The following ATRNL1 variants were observed in gnomAD, a reference collection of about 807,000 sequenced individuals.
The protein encoded by ATRNL1 is attractin-like protein 1.
In ATRNL1, 95 loss-of-function variants were observed where a neutral mutation model predicts 182.7. That is an observed-to-expected ratio of 0.52 (90% CI 0.44 to 0.62). ATRNL1 has a LOEUF of 0.62. Among genes scored for constraint, ATRNL1 ranks in the 20% least tolerant of loss-of-function variants. The pLI, the probability that ATRNL1 is intolerant of heterozygous loss-of-function variation, is 0.00. For synonymous variants in ATRNL1, 576 were observed against 568.3 expected, an observed-to-expected ratio of 1.01 and a Z score of -0.19; for missense variants, 1,471 against 1,679.5, an observed-to-expected ratio of 0.88 and a Z score of 2.17.
At chr10:115,255,561 T>C (rs1851086570) in intron 10 of ATRNL1, among the ~76,000 whole-genome samples, 1 of 152,202 alleles carries the variant, frequency 6.6e-6, no homozygotes, top group Non-Finnish European at 1.5e-5. Context: ...GTTTTCTAAA[T>C]ATGCAATCAT....
chr10:115,616,013 C>T (rs1353642962), intron 26 of ATRNL1, among the ~76,000 whole-genome samples: 6 of 152,038 alleles, frequency 3.9e-5, no homozygotes, highest in African/African-American at 9.7e-5. Context: ...CAGAAGAAGA[C>T]AGGAAGTTGA....
intron 26 of ATRNL1, among the ~76,000 whole-genome samples, chr10:115,587,806 A>G (rs1422134199): frequency 6.6e-6 from 1 of 152,132 alleles, no homozygotes; most frequent in Non-Finnish European, 1.5e-5. Flanking sequence ...TTTTGACACT[A>G]AACTTTTAAA....
intron 24 of ATRNL1, among the ~76,000 whole-genome samples, chr10:115,512,923 C>T (rs12267100): frequency 0.015 from 2,278 of 152,062 alleles, 53 homozygotes; most frequent in African/African-American, 0.052. Flanking sequence ...TATTCCTTTT[C>T]CTAGAAACCA....
At chr10:115,893,765 G>A (rs782044794) in intron 28 of ATRNL1, among the ~76,000 whole-genome samples, 25 of 152,276 alleles carry the variant, frequency 1.6e-4, no homozygotes, top group Middle Eastern at 3.4e-3. Context: ...TGCCTGGCAT[G>A]AAACGCGACT....
chr10:115,440,698 G>A (rs900968319), intron 21 of ATRNL1, among the ~76,000 whole-genome samples: 1 of 151,592 alleles, frequency 6.6e-6, no homozygotes, highest in Non-Finnish European at 1.5e-5. Flanking sequence ...ATCTACTTGT[G>A]TAGCAAAATC....
At chr10:115,606,160 G>A (rs1856862071) in intron 26 of ATRNL1, among the ~76,000 whole-genome samples, 1 of 151,922 alleles carries the variant, frequency 6.6e-6, no homozygotes, top group African/African-American at 2.4e-5. Flanking sequence ...GTACACTGTT[G>A]TATATTTTGC....
intron 18 of ATRNL1, among the ~76,000 whole-genome samples, chr10:115,327,072 A>C (rs1465160710): frequency 6.6e-6 from 1 of 151,120 alleles, no homozygotes; most frequent in Admixed American, 6.6e-5. Flanking sequence ...ACAAAAGCCA[A>C]AATTGACAAA....
chr10:115,322,589 G>A (rs551049977), intron 18 of ATRNL1, among the ~76,000 whole-genome samples: 3 of 152,170 alleles, frequency 2.0e-5, no homozygotes, highest in African/African-American at 7.2e-5. Flanking sequence ...GTAATTACCA[G>A]TACTGTTTTT....
intron 9 of ATRNL1, among the ~76,000 whole-genome samples, chr10:115,228,698 A>G (rs1341660451): frequency 1.4e-4 from 22 of 152,044 alleles, no homozygotes; most frequent in African/African-American, 5.1e-4. Context: ...TGTAATTATC[A>G]ACTTTTTATT....
chr10:115,525,880 T>C (rs1338675332), intron 25 of ATRNL1, among the ~76,000 whole-genome samples: 1 of 152,188 alleles, frequency 6.6e-6, no homozygotes, highest in African/African-American at 2.4e-5. Context: ...CTGGTCATAC[T>C]TCCATGGCTC....
intron 26 of ATRNL1, among the ~76,000 whole-genome samples, chr10:115,713,709 T>TATCTATCTATCTATC (rs1565310925): frequency 2.0e-3 from 147 of 75,256 alleles, no homozygotes; most frequent in East Asian, 0.019. Context: ...ATCTATCATC[T>TATCTATCTATCTATC]ATCTATCTAT....
At chr10:115,839,688 CTA>C (rs1950759304) in intron 27 of ATRNL1, among the ~76,000 whole-genome samples, 1 of 152,162 alleles carries the variant, frequency 6.6e-6, no homozygotes, top group South Asian at 2.1e-4. Flanking sequence ...CCCCAGGACT[CTA>C]TGCATAACTC....
At chr10:115,369,742 C>A (rs1857289309) in intron 19 of ATRNL1, among the ~76,000 whole-genome samples, 1 of 152,136 alleles carries the variant, frequency 6.6e-6, no homozygotes, top group East Asian at 1.9e-4. Flanking sequence ...CTCTTGTTAT[C>A]TTTTGTCTTC....
At chr10:115,851,711 C>A (rs1197789132) in intron 28 of ATRNL1, among the ~76,000 whole-genome samples, 4 of 152,156 alleles carry the variant, frequency 2.6e-5, no homozygotes, top group Non-Finnish European at 5.9e-5. Context: ...CTTCCCCGCC[C>A]AGTAAACCTG....
intron 28 of ATRNL1, among the ~76,000 whole-genome samples, chr10:115,913,191 C>G (rs1952738263): frequency 6.6e-6 from 1 of 152,140 alleles, no homozygotes; most frequent in Admixed American, 6.5e-5. Flanking sequence ...AATTTTCATT[C>G]TTTTTCACAT....
At chr10:115,609,837 T>G (rs147819877) in intron 26 of ATRNL1, among the ~76,000 whole-genome samples, 1 of 152,236 alleles carries the variant, frequency 6.6e-6, no homozygotes, top group African/African-American at 2.4e-5. Flanking sequence ...CATAGATCCC[T>G]CAACATAAGT....
At chr10:115,707,473 A>G (rs1555053359) in intron 26 of ATRNL1, among the ~76,000 whole-genome samples, 1 of 151,730 alleles carries the variant, frequency 6.6e-6, no homozygotes, top group Non-Finnish European at 1.5e-5. Context: ...CATTCACAAT[A>G]TCATATTAAG....
At chr10:115,192,369 A>G (rs1848201261) in intron 8 of ATRNL1, among the ~76,000 whole-genome samples, 2 of 151,968 alleles carry the variant, frequency 1.3e-5, no homozygotes, top group African/African-American at 2.4e-5. Flanking sequence ...TCCCCAATGT[A>G]TGTTCTTGGC....
At position 115,553,663 on chromosome 10, in the gene ATRNL1, A is replaced by G. The variant is rs375103300; in HGVS notation, c.3795+4127A>G. Among the ~76,000 whole-genome samples the G allele has an allele frequency of 1.1e-4, 17 of 151,492 alleles. No homozygotes were observed. The South Asian group carries it at 3.3e-3, about 30-fold the overall frequency. On this transcript the variant is annotated intron_variant, in intron 26 of 28. Transcript: ENST00000355044. ...CTGAAATTTGAGTTAAAAATAATAA[A>G]CCAATACCCACAAGTAGAATTTTAG...
Sources: allele counts gnomAD v4.1 joint callset (sites outside exome capture counted in the v4.1 genomes callset), GRCh38; gene constraint gnomAD v4.1.1; transcripts MANE v1.5; gene names NCBI Gene and HGNC (gene_info 2026-07-23, HGNC 2026-07-21).